Variants in SF3A1 observed in about 807,000 individuals in gnomAD.
SF3A1 encodes SAP 114.
SF3A1 carries 13 observed loss-of-function variants against 89.9 expected under a neutral mutation model. That is an observed-to-expected ratio of 0.14 (90% CI 0.09 to 0.23). The LOEUF (loss-of-function observed/expected upper bound fraction) is 0.23. SF3A1 is among the 10% of genes least tolerant of loss of function. The pLI is 1.00. For missense variants in SF3A1, 604 were observed against 1,022.1 expected (o/e 0.59, Z 5.58); for synonymous variants, 405 against 374.4 (o/e 1.08, Z -0.94).
intron 13 of SF3A1, among the ~76,000 whole-genome samples, 184 bp from the exon 14 acceptor site, chr22:30,335,937 T>C (rs902630937): frequency 5.3e-5 from 8 of 152,206 alleles, no homozygotes; most frequent in Non-Finnish European, 1.0e-4. Flanking sequence ...CAAGATTAGG[T>C]TTCTTTTCTT....
intron 1 of SF3A1, among the ~76,000 whole-genome samples, chr22:30,353,868 C>T (rs991610363): frequency 1.3e-5 from 2 of 152,126 alleles, no homozygotes; most frequent in African/African-American, 2.4e-5. Context: ...GCAGGGACTC[C>T]GACTACATTC....
At chr22:30,335,037 G>C (rs1931023990) in intron 15 of SF3A1, among the ~76,000 whole-genome samples, 1 of 152,204 alleles carries the variant, frequency 6.6e-6, no homozygotes, top group African/African-American at 2.4e-5. Flanking sequence ...CTGAGGCCCA[G>C]AGCAGGGATT....
rs1931116850 is a variant in SF3A1 at position 30,337,750 on chromosome 22, T to C, written c.1891A>G (p.Met631Val). 4 of 1,576,858 alleles carry C rather than the reference T, an allele frequency of 2.5e-6. No individual in the cohort carries two copies. Among genetic ancestry groups the C allele is most frequent in the Admixed American group, 1.9e-5 (1 of 52,296 alleles). Residue 631 changes from methionine (M) to valine (V), a missense_variant, in exon 12 of 16, where the codon ATG (methionine) becomes GTG (valine). By Grantham distance (21) the Met-to-Val change is conservative. Around this residue, in one of 9 missense-constraint regions of SF3A1, gnomAD observed 85 missense variants for 137.3 expected, o/e 0.62. Coordinates refer to ENST00000215793, the MANE Select transcript of SF3A1 (RefSeq NM_005877.6). ...IHAPRINVVP[M>V]PPSAPPIMAP... ...ATAATAGGAGGGGCCGAGGGAGGCA[T>C]GGGCACCACGTTGATTCTGGGCGCG...
In SF3A1 at chr22:30,339,175, A is replaced by G. The variant is rs370029534; in HGVS notation, c.1452T>C (p.Ile484=). ...TDIFGVEETA[I]GKKIGEEEIQ... is the part of the protein sequence containing the mutation. The stretch of plus-strand genomic sequence containing the variant: ...TCTCCTCCTCACCGATCTTCTTACC[A>G]ATGGCTGTTTCCTCTACACCGAAGA... Residue 484 remains isoleucine (I), a synonymous_variant, in exon 10 of 16, where the codon ATT becomes ATC. Transcript: ENST00000215793. The G allele has an allele frequency of 2.4e-5, 39 of 1,614,046 alleles. No homozygotes were observed. The highest frequency in any genetic ancestry group is 8.0e-5 in the African/African-American group (6 of 74,916).
rs1414031201 is a variant in SF3A1, at chr22:30,339,188, T to C, written c.1439A>G (p.Glu480Gly). Residue 480 changes from glutamate to glycine, a missense_variant, in exon 10 of 16, where the codon GAG (glutamate) becomes GGG (glycine). This residue lies in a region of SF3A1 where 22 missense variants were observed against 116.0 expected (regional missense o/e 0.19). Coordinates refer to ENST00000215793, the MANE Select transcript of SF3A1 (RefSeq NM_005877.6). ...AERRTDIFGV[E>G]ETAIGKKIGE... ...GATCTTCTTACCAATGGCTGTTTCC[T>C]CTACACCGAAGATGTCAGTACGCCG... The C allele has an allele frequency of 4.3e-6, 7 of 1,614,092 alleles. No individual in the cohort carries two copies. The highest frequency in any genetic ancestry group is 5.9e-6 in the Non-Finnish European group (7 of 1,180,054).
At chr22:30,342,454 C>T in intron 5 of SF3A1, 104 bp from the exon 6 acceptor site, 3 of 1,285,982 alleles carry the variant, frequency 2.3e-6, no homozygotes, top group Non-Finnish European at 3.2e-6. Flanking sequence ...TCCTTCGGAA[C>T]AGAATGGAAG....
intron 4 of SF3A1, among the ~76,000 whole-genome samples, chr22:30,344,232 A>T (rs1353331241): frequency 1.3e-5 from 2 of 152,156 alleles, no homozygotes; most frequent in East Asian, 1.9e-4. Context: ...ACTGCACCTC[A>T]ATTTTCTCTT....
intron 7 of SF3A1, 87 bp downstream of exon 7, chr22:30,341,600 ACAGGG>A: frequency 1.4e-6 from 1 of 727,772 alleles, no homozygotes; most frequent in Non-Finnish European, 2.1e-6. Flanking sequence ...TTCAAGGCTC[ACAGGG>A]GAGCTGGATC....
At chr22:30,356,707 G>A in intron 1 of SF3A1, 23 bp downstream of exon 1, 1 of 1,461,926 alleles carries the variant, frequency 6.8e-7, no homozygotes, top group Non-Finnish European at 9.1e-7. Flanking sequence ...CCGGCTGCAG[G>A]CTGAGGGGCG....
Position 30,339,222 on chromosome 22 carries a change from A to G in SF3A1, c.1405T>C (p.Leu469=). The G allele has an allele frequency of 6.2e-7, 1 of 1,614,064 alleles. No individual in the cohort carries two copies. The highest frequency in any genetic ancestry group is 8.5e-7 in the Non-Finnish European group (1 of 1,180,022). The part of the protein sequence containing the change: ...GLDIESSLKQ[L]AERRTDIFGV... ...AAGATGTCAGTACGCCGCTCAGCCA[A>G]CTGCTTCAAGCTGCTCTCAATATCC... Residue 469 remains leucine, a synonymous_variant, in exon 10 of 16, where the codon TTG becomes CTG. Coordinates refer to ENST00000215793, the MANE Select transcript of SF3A1 (RefSeq NM_005877.6).
In SF3A1 at chr22:30,337,068, C is replaced by G. The variant is rs769404178; in HGVS notation, c.2064G>C (p.Glu688Asp). 1 of 1,614,198 alleles carries G rather than the reference C, an allele frequency of 6.2e-7. No individual in the cohort carries two copies. Among genetic ancestry groups the G allele is most frequent in the Non-Finnish European group, 8.5e-7 (1 of 1,180,030 alleles). Reference protein sequence around the residue: ...DEPTSKKLKTEDSLMPEEEFL... With the variant: ...DEPTSKKLKTDDSLMPEEEFL... ...ACTCCTCCTCTGGCATGAGGCTGTC[C>G]TCTGTCTTCAGTTTTTTGGAGGTGG... The change falls in exon 13 of 16, where the codon GAG (glutamate) becomes GAC (aspartate). Residue 688 changes from glutamate to aspartate, a missense_variant. Glu to Asp is a conservative substitution (Grantham distance 45). Transcript: ENST00000215793.
Position 30,337,161 on chromosome 22 carries a change from A to G in SF3A1, c.1971T>C (p.Pro657=), listed in dbSNP as rs1358483167. The G allele has an allele frequency of 2.9e-5, 47 of 1,612,242 alleles. No homozygotes were observed. The highest frequency in any genetic ancestry group is 3.8e-5 in the Non-Finnish European group (45 of 1,179,052). Residue 657 remains proline, a synonymous_variant, in exon 13 of 16, where the codon CCT becomes CCC. Transcript: ENST00000215793. ...GGGCTGGAGCTGGGACAGGTGCCAC[A>G]GGTGGAGCAGGCACAAAGGCTGCAA... The part of the protein sequence containing the change: ...IVPTAFVPAP[P]VAPVPAPAPM...
intron 2 of SF3A1, among the ~76,000 whole-genome samples, 159 bp from the exon 3 acceptor site, chr22:30,346,678 A>G (rs950326245): frequency 2.0e-5 from 3 of 152,138 alleles, no homozygotes; most frequent in African/African-American, 7.2e-5. Flanking sequence ...ATTGGCGATC[A>G]GTGCCATCTG....
chr22:30,349,282 T>C (rs927985707), intron 2 of SF3A1, among the ~76,000 whole-genome samples: 1 of 152,214 alleles, frequency 6.6e-6, no homozygotes, highest in Non-Finnish European at 1.5e-5. Context: ...ACAGATTTTA[T>C]TTATTTATTT....
intron 15 of SF3A1, 26 bp from the exon 16 acceptor site, chr22:30,334,721 C>A (rs1262033079): frequency 6.5e-7 from 1 of 1,542,692 alleles, no homozygotes; most frequent in East Asian, 2.3e-5. Context: ...CGTGCCTTAG[C>A]ATGGGGCAAC....
rs1930963197 is a variant in SF3A1 at position 30,333,066 on chromosome 22, A to C, written c.*1528T>G. 6.6e-6 allele frequency: 1 copy of C among 152,188 alleles called. No individual in the cohort carries two copies. Among genetic ancestry groups the C allele is most frequent in the South Asian group, 2.1e-4 (1 of 4,828 alleles). The allele number at this position is 152,188 out of a possible 1,614,324, so 9.4% of individuals were successfully genotyped here. On this transcript the variant is annotated 3_prime_UTR_variant, in exon 16 of 16. Coordinates refer to ENST00000215793, the MANE Select transcript of SF3A1 (RefSeq NM_005877.6). ...TAGTGGGCTCACTTTAGGGACGCAA[A>C]CCACAAAGCCCACCTCAGGAAGCCA...
intron 4 of SF3A1, 22 bp from the exon 5 acceptor site, chr22:30,342,901 G>A (rs1931305819): frequency 6.6e-7 from 1 of 1,516,554 alleles, no homozygotes; most frequent in Non-Finnish European, 9.1e-7. Flanking sequence ...AAGAGTTAAA[G>A]CAACTGTCAG....
chr22:30,338,398 C>T (rs1016724629), intron 11 of SF3A1, among the ~76,000 whole-genome samples: 1 of 147,890 alleles, frequency 6.8e-6, no homozygotes, highest in Non-Finnish European at 1.5e-5. Context: ...GCGGAGGTTG[C>T]GGTGAGCCAA....
chr22:30,339,071 T>TAAGACCAAGTATGGAAGACGGGGG, intron 10 of SF3A1, 37 bp from the exon 11 acceptor site: 1 of 1,613,752 alleles, frequency 6.2e-7, no homozygotes, highest in Non-Finnish European at 8.5e-7. Context: ...CTTCTGGAAC[T>TAAGACCAAGTATGGAAGACGGGGG]AAGACCAAGT....
Sources: gnomAD v4.1 joint callset for allele counts (sites outside exome capture counted in the v4.1 genomes callset) on GRCh38, gnomAD v4.1.1 for gene constraint, gnomAD v4.1.1 regional missense constraint, MANE v1.5 for transcripts, NCBI Gene and HGNC (gene_info 2026-07-23, HGNC 2026-07-21) for gene names.